Variants in DHRS4 observed in about 807,000 individuals in gnomAD.
DHRS4 encodes the protein dehydrogenase/reductase 4.
DHRS4 carries 20 observed loss-of-function variants against 28.4 expected under a neutral mutation model. That is an observed-to-expected ratio of 0.71 (90% CI 0.50 to 1.02). The LOEUF (loss-of-function observed/expected upper bound fraction) is 1.02. Ranked by LOEUF, DHRS4 falls within the 50% of genes least tolerant of loss-of-function variation. The pLI is 0.00. For missense variants in DHRS4, 378 were observed against 367.2 expected (o/e 1.03, Z -0.24); for synonymous variants, 144 against 146.4 (o/e 0.98, Z 0.12).
intron 3 of DHRS4, among the ~76,000 whole-genome samples, chr14:23,960,386 G>C (rs752487335): frequency 0.019 from 2,846 of 151,806 alleles, 49 homozygotes; most frequent in Non-Finnish European, 0.03. Context: ...CTGACAAAAA[G>C]TAATTATTTT....
intron 2 of DHRS4, among the ~76,000 whole-genome samples, chr14:23,957,287 C>A (rs568381712): frequency 6.6e-6 from 1 of 152,238 alleles, no homozygotes; most frequent in African/African-American, 2.4e-5. Flanking sequence ...GAATACTTGT[C>A]AGCAATTTGA....
At chr14:23,968,603 G>A (rs2033724737) in intron 7 of DHRS4, among the ~76,000 whole-genome samples, 154 bp from the exon 8 acceptor site, 1 of 151,490 alleles carries the variant, frequency 6.6e-6, no homozygotes. Context: ...ATATCCTCGT[G>A]GTAACCCTAT....
At chr14:23,962,684 CTT>C (rs2033464195) in intron 3 of DHRS4, among the ~76,000 whole-genome samples, 1 of 151,500 alleles carries the variant, frequency 6.6e-6, no homozygotes, top group Non-Finnish European at 1.5e-5. Flanking sequence ...GAATCAACTT[CTT>C]CCAGACTCCT....
At chr14:23,958,342 A>G (rs1395625779) in intron 2 of DHRS4, among the ~76,000 whole-genome samples, 1 of 152,146 alleles carries the variant, frequency 6.6e-6, no homozygotes, top group East Asian at 1.9e-4. Context: ...CTGTGTGCCA[A>G]ATCCGGAGCA....
intron 1 of DHRS4, 65 bp downstream of exon 1, chr14:23,953,981 C>T (rs2032964037): frequency 6.5e-7 from 1 of 1,542,060 alleles, no homozygotes; most frequent in Non-Finnish European, 8.7e-7. Flanking sequence ...GCCTCTCATC[C>T]TCGGCCTCCG....
In DHRS4 at chr14:23,955,546, T is replaced by G. The variant is rs563652746; in HGVS notation, c.306+334T>G. Among the ~76,000 whole-genome samples, 35 of 152,282 alleles carry G rather than the reference T, an allele frequency of 2.3e-4. 1 individual carries two copies. The South Asian group carries it at 7.1e-3, about 31-fold the overall frequency. Reference sequence around the variant, plus strand: ...AATAAACATTCCCCTCTTCTTCAGCTTATAGAGTCAAGTCCCTGGGAACCT... The same window carrying G: ...AATAAACATTCCCCTCTTCTTCAGCGTATAGAGTCAAGTCCCTGGGAACCT... On this transcript the variant is annotated intron_variant, in intron 2 of 7. Coordinates refer to ENST00000313250, the MANE Select transcript of DHRS4 (RefSeq NM_021004.4).
At chr14:23,959,874 C>T in intron 2 of DHRS4, 28 bp from the exon 3 acceptor site, 2 of 1,609,688 alleles carry the variant, frequency 1.2e-6, no homozygotes, top group Non-Finnish European at 1.7e-6. Context: ...TACTGCAGCC[C>T]TGGTCCAGAA....
intron 2 of DHRS4, among the ~76,000 whole-genome samples, chr14:23,959,222 C>A (rs1381258059): frequency 6.6e-6 from 1 of 152,082 alleles, no homozygotes; most frequent in Admixed American, 6.6e-5. Context: ...AAGAAAAGAG[C>A]GTCAGAGACA....
At chr14:23,954,937 C>G (rs2033042972) in intron 1 of DHRS4, 98 bp from the exon 2 acceptor site, 4 of 1,561,214 alleles carry the variant, frequency 2.6e-6, no homozygotes, top group Non-Finnish European at 3.5e-6. Context: ...AGAGAAAGAG[C>G]CAGAATTCAA....
At chr14:23,961,333 C>T (rs1168077421) in intron 3 of DHRS4, among the ~76,000 whole-genome samples, 14 of 142,076 alleles carry the variant, frequency 9.9e-5, no homozygotes, top group African/African-American at 1.4e-4. Flanking sequence ...GGCAACACAG[C>T]GAGACCTTTT....
chr14:23,964,241 A>AC lies in DHRS4; in HGVS notation c.409-1521_409-1520insC, dbSNP rs1189267974. The stretch of plus-strand genomic sequence containing the variant: ...TTTGTAAAAAAAAAAAAAAAAAAAA[A>AC]AAAAAAAAAAAAACACAATATCTGC... On this transcript the variant is annotated intron_variant, in intron 3 of 7. Transcript: ENST00000313250. Among the ~76,000 whole-genome samples, 106 of 140,740 alleles carry AC rather than the reference A, an allele frequency of 7.5e-4. 4 individuals are homozygous for AC. The highest frequency in any genetic ancestry group is 2.8e-3 in the African/African-American group (97 of 34,796). 92.3% of individuals were successfully genotyped at this position (140,740 alleles called of 152,430 possible).
intron 2 of DHRS4, among the ~76,000 whole-genome samples, chr14:23,956,154 A>C (rs2033134071): frequency 6.6e-6 from 1 of 152,246 alleles, no homozygotes; most frequent in African/African-American, 2.4e-5. Context: ...GAAAGAGCCA[A>C]ATATGAGTCC....
In DHRS4 at chr14:23,968,756, G is replaced by T; in HGVS notation, c.723-1G>T. ...CCTTCCTTGCTTCCCTTATTCCCCA[G>T]GTTAGGCGAGCCAGAGGATTGTGCT... On this transcript the variant is annotated splice_acceptor_variant, in intron 7 of 7. Coordinates refer to ENST00000313250, the MANE Select transcript of DHRS4 (RefSeq NM_021004.4). LOFTEE classifies it high-confidence loss of function. The T allele has an allele frequency of 6.2e-7, 1 of 1,605,146 alleles. No homozygotes were observed. The highest frequency in any genetic ancestry group is 1.7e-4 in the Middle Eastern group (1 of 6,046).
intron 2 of DHRS4, among the ~76,000 whole-genome samples, chr14:23,958,985 C>T (rs911466410): frequency 6.6e-6 from 1 of 152,166 alleles, no homozygotes; most frequent in African/African-American, 2.4e-5. Context: ...AAAGGCCCCT[C>T]CAGGGTAACT....
intron 3 of DHRS4, 27 bp downstream of exon 3, chr14:23,960,030 C>T (rs529476609): frequency 6.7e-6 from 7 of 1,037,574 alleles, no homozygotes; most frequent in East Asian, 4.9e-5. Context: ...GCAGGGGGGC[C>T]GGGGGGGGCG....
intron 2 of DHRS4, among the ~76,000 whole-genome samples, chr14:23,956,434 G>C (rs1446996901): frequency 6.6e-6 from 1 of 152,164 alleles, no homozygotes; most frequent in Non-Finnish European, 1.5e-5. Context: ...TGGACAGATG[G>C]AATAGTGATG....
chr14:23,965,377 T>C lies in DHRS4; in HGVS notation c.409-385T>C, dbSNP rs1235802091. 3.4e-5 allele frequency among the ~76,000 whole-genome samples: 3 copies of C among 89,432 alleles called. 1 individual carries two copies. The highest frequency in any genetic ancestry group is 5.8e-5 in the Non-Finnish European group (3 of 51,514). The allele number at this position is 89,432 out of a possible 152,430, so 58.7% of individuals were successfully genotyped here. A position where few individuals can be genotyped will look rare whatever the true frequency, so the allele number is the denominator to read the frequency against. ...CAGGCCACATTTTCCCTGAGAAGCATGGCCTACTCTAGGGCAGGTAGTCTA... is the reference window on the plus strand; with the variant it reads ...CAGGCCACATTTTCCCTGAGAAGCACGGCCTACTCTAGGGCAGGTAGTCTA... On this transcript the variant is annotated intron_variant, in intron 3 of 7. Transcript: ENST00000313250.
At chr14:23,958,684 C>A (rs1160099152) in intron 2 of DHRS4, among the ~76,000 whole-genome samples, 1 of 152,228 alleles carries the variant, frequency 6.6e-6, no homozygotes, top group Non-Finnish European at 1.5e-5. Context: ...CTGGTATCTT[C>A]TCCCATCACG....
intron 3 of DHRS4, among the ~76,000 whole-genome samples, chr14:23,960,719 T>A (rs1263807147): frequency 6.6e-6 from 1 of 152,122 alleles, no homozygotes; most frequent in Non-Finnish European, 1.5e-5. Context: ...GAAATGCTAA[T>A]TTTTATGATC....
Sources: allele counts gnomAD v4.1 joint callset (sites outside exome capture counted in the v4.1 genomes callset), GRCh38; gene constraint gnomAD v4.1.1; transcripts MANE v1.5; gene names NCBI Gene and HGNC (gene_info 2026-07-23, HGNC 2026-07-21).